Variants in R3HDM2 observed in about 807,000 individuals in gnomAD.
The protein encoded by R3HDM2 is R3H domain containing 2, also known as R3H domain-containing protein 2.
In R3HDM2, 38 loss-of-function variants were observed where a neutral mutation model predicts 124.5. The observed-to-expected ratio is 0.31, with a 90% CI of 0.24 to 0.40. R3HDM2 has a LOEUF of 0.40. Among genes scored for constraint, R3HDM2 ranks in the 10% least tolerant of loss-of-function variants. The probability of loss-of-function intolerance (pLI) is 1.00; values close to 1 mark genes in which losing one functional copy is unlikely to be tolerated. For missense variants in R3HDM2, 869 were observed against 1,236.9 expected, an observed-to-expected ratio of 0.70 and a Z score of 4.46; for synonymous variants, 391 against 448.0, an observed-to-expected ratio of 0.87 and a Z score of 1.61.
intron 1 of R3HDM2, chr12:57,418,360 C>A: frequency 5.1e-6 from 5 of 985,308 alleles, no homozygotes; most frequent in Non-Finnish European, 6.0e-6. Context: ...CTTTCTTTTG[C>A]CTTCAGCAGA....
chr12:57,418,980 A>G (rs1352544979), intron 1 of R3HDM2, among the ~76,000 whole-genome samples: 2 of 152,172 alleles, frequency 1.3e-5, no homozygotes, highest in Non-Finnish European at 2.9e-5. Flanking sequence ...ATACAAAATA[A>G]TCATTTCATT....
intron 1 of R3HDM2, among the ~76,000 whole-genome samples, chr12:57,416,543 G>A (rs2069625246): frequency 1.3e-5 from 2 of 152,292 alleles, no homozygotes; most frequent in Non-Finnish European, 2.9e-5. Context: ...CAGGCACAAT[G>A]ACTCACACCT....
chr12:57,406,667 T>C (rs2068553934), intron 1 of R3HDM2, among the ~76,000 whole-genome samples: 1 of 152,198 alleles, frequency 6.6e-6, no homozygotes, highest in Non-Finnish European at 1.5e-5. Context: ...AGGCAATGAT[T>C]ATCAACAGCT....
chr12:57,402,938 T>C (rs941543444), intron 1 of R3HDM2, among the ~76,000 whole-genome samples: 13 of 152,098 alleles, frequency 8.5e-5, no homozygotes, highest in African/African-American at 2.9e-4. Flanking sequence ...TTTTGTAAAA[T>C]GGGGGAAAAT....
rs1164431911 is a variant in R3HDM2, at chr12:57,316,807, TG to T, written c.-35-6345del. 3.3e-5 allele frequency among the ~76,000 whole-genome samples: 5 copies of T among 151,162 alleles called. No individual in the cohort carries two copies. In the Admixed American group the frequency reaches 3.3e-4, roughly 10 times the overall value. Reference sequence around the variant, plus strand: ...CTCTGTCACCCAGGCTGGAGTGCAGTGGTGTGATCTTGACTCACTGCAACCT... The same window carrying T: ...CTCTGTCACCCAGGCTGGAGTGCAGTGTGTGATCTTGACTCACTGCAACCT... On this transcript the variant is annotated intron_variant, in intron 2 of 23. Transcript: ENST00000402412.
intron 19 of R3HDM2, among the ~76,000 whole-genome samples, chr12:57,261,913 C>T (rs925052052): frequency 1.3e-5 from 2 of 152,028 alleles, no homozygotes; most frequent in African/African-American, 4.8e-5. Context: ...GGAGAGGGGA[C>T]GTGTGAATGG....
intron 2 of R3HDM2, among the ~76,000 whole-genome samples, chr12:57,336,160 G>C (rs1392723189): frequency 6.6e-6 from 1 of 151,874 alleles, no homozygotes; most frequent in Non-Finnish European, 1.5e-5. Flanking sequence ...ACAGATGCTG[G>C]TGAGGTTACA....
intron 2 of R3HDM2, among the ~76,000 whole-genome samples, chr12:57,336,058 T>C (rs573666786): frequency 4.0e-5 from 6 of 151,554 alleles, no homozygotes; most frequent in Non-Finnish European, 7.4e-5. Context: ...TACCATACCA[T>C]AGTATCTAAT....
At chr12:57,302,350 G>A (rs2051395118) in intron 4 of R3HDM2, among the ~76,000 whole-genome samples, 1 of 151,932 alleles carries the variant, frequency 6.6e-6, no homozygotes, top group Non-Finnish European at 1.5e-5. Context: ...TTGTGGGGCT[G>A]AGACGGGTGG....
intron 3 of R3HDM2, chr12:57,304,621 G>T: frequency 1.7e-6 from 1 of 584,992 alleles, no homozygotes; most frequent in Non-Finnish European, 2.2e-6. Context: ...GGTAAGATCT[G>T]TTGCAGTAAG....
intron 2 of R3HDM2, among the ~76,000 whole-genome samples, chr12:57,328,664 G>A (rs1032255416): frequency 6.6e-6 from 1 of 152,010 alleles, no homozygotes; most frequent in Non-Finnish European, 1.5e-5. Context: ...TCAGCCTCCT[G>A]AGCAGCTGGG....
At chr12:57,268,727 G>A in intron 17 of R3HDM2, 195 bp downstream of exon 17, 2 of 753,402 alleles carry the variant, frequency 2.7e-6, no homozygotes, top group Non-Finnish European at 4.2e-6. Context: ...TTCCATGGCT[G>A]TATAAAGACC....
intron 2 of R3HDM2, among the ~76,000 whole-genome samples, chr12:57,329,076 T>C (rs1031950151): frequency 2.0e-5 from 3 of 151,982 alleles, no homozygotes; most frequent in African/African-American, 4.8e-5. Flanking sequence ...AATGAAAAAA[T>C]AATAAACAAT....
chr12:57,426,340 A>G (rs1404662276), intron 1 of R3HDM2, among the ~76,000 whole-genome samples: 1 of 152,218 alleles, frequency 6.6e-6, no homozygotes, highest in Non-Finnish European at 1.5e-5. Context: ...TAGTTGCTAA[A>G]AATGCCCCCC....
At chr12:57,257,838 G>T in intron 21 of R3HDM2, 152 bp downstream of exon 21, 2 of 785,348 alleles carry the variant, frequency 2.5e-6, no homozygotes, top group African/African-American at 1.7e-5. Flanking sequence ...AGTGTCCAAG[G>T]CCTATACAGG....
intron 1 of R3HDM2, among the ~76,000 whole-genome samples, chr12:57,400,893 T>C (rs985662875): frequency 4.7e-4 from 71 of 152,080 alleles, no homozygotes; most frequent in African/African-American, 1.6e-3. Flanking sequence ...TTTGGTATTA[T>C]TACGGTAATC....
intron 2 of R3HDM2, among the ~76,000 whole-genome samples, chr12:57,317,211 T>G (rs11172159): frequency 4.1e-5 from 6 of 147,292 alleles, no homozygotes; most frequent in South Asian, 2.2e-4. Context: ...TGTTTTTTTG[T>G]TTTTTTTTTG....
At chr12:57,295,806 G>A (rs1196434680) in intron 9 of R3HDM2, among the ~76,000 whole-genome samples, 2 of 152,204 alleles carry the variant, frequency 1.3e-5, no homozygotes, top group South Asian at 2.1e-4. Context: ...CTCAGAAAGA[G>A]TAGGAATTAA....
At chr12:57,269,132 C>T in intron 16 of R3HDM2, 50 bp from the exon 17 acceptor site, 1 of 1,597,756 alleles carries the variant, frequency 6.3e-7, no homozygotes, top group Non-Finnish European at 8.6e-7. Flanking sequence ...TTTAGGAGGT[C>T]ACACTCTATC....
Sources: gnomAD v4.1 joint callset for allele counts (sites outside exome capture counted in the v4.1 genomes callset) on GRCh38, gnomAD v4.1.1 for gene constraint, MANE v1.5 for transcripts, NCBI Gene and HGNC (gene_info 2026-07-23, HGNC 2026-07-21) for gene names.